The following LRRC39 variants were observed in gnomAD, a reference collection of about 807,000 sequenced individuals.
LRRC39 encodes the protein leucine-rich repeat-containing protein 39.
A neutral mutation model predicts 39.7 loss-of-function variants in LRRC39; 35 were observed. The ratio of observed to expected loss-of-function variants is 0.88; its 90% confidence interval spans 0.67 to 1.17. The LOEUF (loss-of-function observed/expected upper bound fraction) is 1.17, where lower values mean the gene tolerates loss of function less well. Ranked by LOEUF, LRRC39 falls within the 50% of genes most tolerant of loss-of-function variation. The pLI is 0.00. For missense variants in LRRC39, 357 were observed against 385.8 expected, an observed-to-expected ratio of 0.93 and a Z score of 0.62; for synonymous variants, 113 against 134.1, an observed-to-expected ratio of 0.84 and a Z score of 1.09.
intron 3 of LRRC39, among the ~76,000 whole-genome samples, chr1:100,161,386 C>T (rs531429141): frequency 2.0e-5 from 3 of 152,240 alleles, no homozygotes; most frequent in South Asian, 4.1e-4. Flanking sequence ...CACTTAGCAT[C>T]GTTTTTTTCA....
At chr1:100,170,684 C>A (rs1052778433) in intron 2 of LRRC39, among the ~76,000 whole-genome samples, 1 of 151,708 alleles carries the variant, frequency 6.6e-6, no homozygotes, top group South Asian at 2.1e-4. Context: ...TTTCTTCCTT[C>A]CTCCTTCCCT....
chr1:100,159,415 T>A lies in LRRC39; in HGVS notation c.220A>T (p.Thr74Ser). 1 of 1,588,878 alleles carries A rather than the reference T, an allele frequency of 6.3e-7. No individual in the cohort carries two copies. The highest frequency in any genetic ancestry group is 8.5e-7 in the Non-Finnish European group (1 of 1,170,046). The part of the protein sequence containing the change: ...ILKIEKEEWK[T>S]LPSSLLKLNQ... ...AGTTTCAGCAGAGAAGAAGGGAGGG[T>A]CTACAGTAAAAGAAATGATGGTTGT... is the stretch of plus-strand genomic sequence containing the variant. Residue 74 changes from threonine to serine, a missense_variant and splice_region_variant, in exon 5 of 10, where the codon ACC (threonine) becomes TCC (serine). Transcript: ENST00000370137.
upstream of LRRC39, among the ~76,000 whole-genome samples, chr1:100,179,387 A>G (rs1424452086): frequency 6.6e-6 from 1 of 151,272 alleles, no homozygotes; most frequent in South Asian, 2.1e-4. Flanking sequence ...ATAAGTAAAA[A>G]TCAAGATCTC....
intron 6 of LRRC39, 66 bp downstream of exon 6, chr1:100,158,165 C>T: frequency 1.3e-6 from 2 of 1,500,384 alleles, no homozygotes; most frequent in South Asian, 2.4e-5. Flanking sequence ...TTGTTAACAA[C>T]CACACATTGA....
intron 8 of LRRC39, among the ~76,000 whole-genome samples, chr1:100,153,689 AAAG>A (rs1658231647): frequency 6.6e-6 from 1 of 152,212 alleles, no homozygotes; most frequent in Non-Finnish European, 1.5e-5. Flanking sequence ...TAATTTTTAA[AAAG>A]AAAAAATGCT....
intron 3 of LRRC39, among the ~76,000 whole-genome samples, chr1:100,167,512 TGCCTGTAATCCCAGCACTTTAGGAG>T (rs1188933539): frequency 6.6e-6 from 1 of 152,112 alleles, no homozygotes; most frequent in Non-Finnish European, 1.5e-5. Context: ...TGGTGGCTCA[TGCCTGTAATCCCAGCACTTTAGGAG>T]GCCAAGGTGG....
chr1:100,148,484 A>G lies in LRRC39; in HGVS notation c.*558T>C. The G allele has an allele frequency of 1.9e-6, 2 of 1,064,196 alleles. No homozygotes were observed. The allele number at this position is 1,064,196 out of a possible 1,614,324, so 65.9% of individuals were successfully genotyped here. A position where few individuals can be genotyped will look rare whatever the true frequency, so the allele number is the denominator to read the frequency against. Reference sequence around the variant, plus strand: ...CATCTTTTATTGTGGTCATAAATATAATGTGTCTTGGAAGCATGGGACAAA... The same window carrying G: ...CATCTTTTATTGTGGTCATAAATATGATGTGTCTTGGAAGCATGGGACAAA... On this transcript the variant is annotated 3_prime_UTR_variant, in exon 10 of 10. Transcript: ENST00000370137.
chr1:100,173,533 G>A (rs930918514), intron 1 of LRRC39, among the ~76,000 whole-genome samples, 163 bp from the exon 2 acceptor site: 2 of 152,142 alleles, frequency 1.3e-5, no homozygotes, highest in Non-Finnish European at 2.9e-5. Context: ...ACTTGATAGT[G>A]TAACATTGAA....
chr1:100,179,499 C>CAA (rs60588308), upstream of LRRC39, among the ~76,000 whole-genome samples: 373 of 45,598 alleles, frequency 8.2e-3, 23 homozygotes, highest in African/African-American at 0.03. Context: ...CTGTATCTAC[C>CAA]AAAAAAAAAA....
chr1:100,150,874 T>C (rs1322637035), intron 9 of LRRC39, among the ~76,000 whole-genome samples: 1 of 152,112 alleles, frequency 6.6e-6, no homozygotes, highest in African/African-American at 2.4e-5. Context: ...ACACCTGTAA[T>C]CCCAGCACTT....
Position 100,156,333 on chromosome 1 carries a change from AG to A in LRRC39, c.514-17del. The A allele has an allele frequency of 1.3e-6, 2 of 1,584,154 alleles. No individual in the cohort carries two copies. The highest frequency in any genetic ancestry group is 8.6e-7 in the Non-Finnish European group (1 of 1,160,622). On this transcript the variant is annotated splice_polypyrimidine_tract_variant and intron_variant, in intron 6 of 9. Transcript: ENST00000370137. The stretch of plus-strand genomic sequence containing the variant: ...GATTGCTGAGCTGAAGAAGAAAGCA[AG>A]GTTTTTCAAAATAAATGTCCACAAT...
chr1:100,167,436 T>C (rs1375800542), intron 3 of LRRC39, among the ~76,000 whole-genome samples: 1 of 152,198 alleles, frequency 6.6e-6, no homozygotes, highest in African/African-American at 2.4e-5. Flanking sequence ...TTTTTGTTAT[T>C]TGCTAACTGA....
intron 3 of LRRC39, among the ~76,000 whole-genome samples, chr1:100,166,089 G>T (rs1433447170): frequency 1.3e-5 from 2 of 152,080 alleles, no homozygotes; most frequent in Non-Finnish European, 2.9e-5. Flanking sequence ...TGACTGTCAT[G>T]TAAGATGTCC....
At chr1:100,156,973 G>A (rs1658506443) in intron 6 of LRRC39, among the ~76,000 whole-genome samples, 2 of 151,900 alleles carry the variant, frequency 1.3e-5, no homozygotes, top group Admixed American at 6.6e-5. Context: ...CAAAAGGTGA[G>A]ACTCTGTCTC....
chr1:100,152,700 G>GA (rs927087626), intron 8 of LRRC39, among the ~76,000 whole-genome samples, 176 bp from the exon 9 acceptor site: 45 of 150,014 alleles, frequency 3.0e-4, no homozygotes, highest in Middle Eastern at 3.5e-3. Context: ...TTTCCTAAGA[G>GA]AAAAAAAAAC....
At chr1:100,158,879 A>G (rs1658670385) in intron 5 of LRRC39, among the ~76,000 whole-genome samples, 1 of 151,024 alleles carries the variant, frequency 6.6e-6, no homozygotes, top group South Asian at 2.1e-4. Flanking sequence ...ATCGAAAACT[A>G]TTTTCATTTT....
intron 3 of LRRC39, among the ~76,000 whole-genome samples, chr1:100,161,610 A>G (rs1488637323): frequency 2.0e-5 from 3 of 152,194 alleles, no homozygotes; most frequent in Non-Finnish European, 4.4e-5. Flanking sequence ...GTATATTCAT[A>G]GGAGTAGAAT....
At chr1:100,168,343 T>G in intron 3 of LRRC39, 61 bp downstream of exon 3, 1 of 1,253,124 alleles carries the variant, frequency 8.0e-7, no homozygotes, top group Non-Finnish European at 1.1e-6. Flanking sequence ...AATGCTCTTT[T>G]TTATGGTGAT....
At chr1:100,152,646 A>T in intron 8 of LRRC39, 122 bp from the exon 9 acceptor site, 1 of 1,007,142 alleles carries the variant, frequency 9.9e-7, no homozygotes. Context: ...TCAATAACTG[A>T]ACGACTTGGT....
Sources: allele counts gnomAD v4.1 joint callset (sites outside exome capture counted in the v4.1 genomes callset), GRCh38; gene constraint gnomAD v4.1.1; transcripts MANE v1.5; gene names NCBI Gene and HGNC (gene_info 2026-07-23, HGNC 2026-07-21).